Variants in GABRG2 observed in about 807,000 individuals in gnomAD.
GABRG2 encodes gamma-aminobutyric acid receptor subunit gamma-2.
GABRG2 carries 16 observed loss-of-function variants against 56.4 expected under a neutral mutation model. That is an observed-to-expected ratio of 0.28 (90% CI 0.19 to 0.43). GABRG2 has a LOEUF of 0.43. Among genes scored for constraint, GABRG2 ranks in the 20% least tolerant of loss-of-function variants. GABRG2 has a pLI of 1.00. For missense variants in GABRG2, 327 were observed against 582.7 expected, an observed-to-expected ratio of 0.56 and a Z score of 4.52; for synonymous variants, 208 against 205.5, an observed-to-expected ratio of 1.01 and a Z score of -0.10.
chr5:162,128,542 T>C (rs1763500689), intron 6 of GABRG2, among the ~76,000 whole-genome samples: 1 of 151,880 alleles, frequency 6.6e-6, no homozygotes, highest in Non-Finnish European at 1.5e-5. Flanking sequence ...ATGCTGTTGC[T>C]CCAAACTCAG....
At chr5:162,104,385 T>C (rs1178321412) in intron 6 of GABRG2, among the ~76,000 whole-genome samples, 2 of 152,160 alleles carry the variant, frequency 1.3e-5, no homozygotes, top group African/African-American at 2.4e-5. Context: ...GAGTGAATTT[T>C]TTACAAATGC....
At chr5:162,087,417 A>T (rs1401592393) in intron 1 of GABRG2, among the ~76,000 whole-genome samples, 1 of 152,070 alleles carries the variant, frequency 6.6e-6, no homozygotes, top group African/African-American at 2.4e-5. Flanking sequence ...GATCTCATTT[A>T]GGCTAGTGAT....
At chr5:162,076,839 C>CT (rs1269421695) in intron 1 of GABRG2, among the ~76,000 whole-genome samples, 1 of 152,094 alleles carries the variant, frequency 6.6e-6, no homozygotes, top group African/African-American at 2.4e-5. Flanking sequence ...CCTCATACAT[C>CT]TGATCATATA....
chr5:162,077,552 T>C (rs1348982259), intron 1 of GABRG2, among the ~76,000 whole-genome samples: 1 of 152,218 alleles, frequency 6.6e-6, no homozygotes, highest in Non-Finnish European at 1.5e-5. Flanking sequence ...AGCAAAACAC[T>C]ATTTCAATGT....
rs1758340563 is a variant in GABRG2 at position 162,067,918 on chromosome 5, A to G, written c.-82A>G. Reference sequence around the variant, plus strand: ...AGGTGGGGGGAGCCACCATCAGATCATAAGCATAAGAATAATACAAAGGGG... The same window carrying G: ...AGGTGGGGGGAGCCACCATCAGATCGTAAGCATAAGAATAATACAAAGGGG... On this transcript the variant is annotated 5_prime_UTR_variant, in exon 1 of 10. Coordinates refer to ENST00000639213, the MANE Select transcript of GABRG2 (RefSeq NM_198904.4). 2.1e-6 allele frequency: 2 copies of G among 972,836 alleles called. No individual in the cohort carries two copies. Among genetic ancestry groups the G allele is most frequent in the Non-Finnish European group, 3.3e-6 (2 of 609,796 alleles). The allele number at this position is 972,836 out of a possible 1,614,324, so 60.3% of individuals were successfully genotyped here.
intron 6 of GABRG2, among the ~76,000 whole-genome samples, chr5:162,123,363 A>C (rs1763103730): frequency 1.4e-5 from 2 of 147,534 alleles, no homozygotes; most frequent in African/African-American, 5.0e-5. Context: ...AGGCATATGA[A>C]ACCTTTATTT....
intron 7 of GABRG2, among the ~76,000 whole-genome samples, chr5:162,145,695 A>C (rs897759733): frequency 6.6e-6 from 1 of 152,186 alleles, no homozygotes; most frequent in African/African-American, 2.4e-5. Context: ...TGCATGTCAA[A>C]ATTTGTTTCT....
chr5:162,148,958 T>G lies in GABRG2; in HGVS notation c.923-150T>G, dbSNP rs1224210324. On this transcript the variant is annotated intron_variant, in intron 7 of 9. Coordinates refer to ENST00000639213, the MANE Select transcript of GABRG2 (RefSeq NM_198904.4). ...ATAGTAGACAGGCAATAAATATTTG[T>G]AAATAGAGTGAATTAAATCCACTTA... The G allele has an allele frequency of 1.9e-5, 14 of 720,218 alleles. No individual in the cohort carries two copies. The East Asian group carries it at 3.2e-4, about 17-fold the overall frequency. 44.6% of individuals were successfully genotyped at this position (720,218 alleles called of 1,614,324 possible). A position where few individuals can be genotyped will look rare whatever the true frequency, so the allele number is the denominator to read the frequency against.
chr5:162,124,281 G>C (rs1326361876), intron 6 of GABRG2, among the ~76,000 whole-genome samples: 2 of 151,816 alleles, frequency 1.3e-5, no homozygotes, highest in Admixed American at 1.3e-4. Flanking sequence ...TAAAACAATA[G>C]AAAAATACAA....
chr5:162,082,143 T>C lies in GABRG2; in HGVS notation c.108-11685T>C, dbSNP rs190101510. On this transcript the variant is annotated intron_variant, in intron 1 of 9. Coordinates refer to ENST00000639213, the MANE Select transcript of GABRG2 (RefSeq NM_198904.4). ...ATACTACTGGTGATTATGTACCCAA[T>C]GGATATTAGAAAGACTAGAGAAAGT... is the stretch of plus-strand genomic sequence containing the variant. Among the ~76,000 whole-genome samples the C allele has an allele frequency of 4.7e-4, 72 of 151,908 alleles. 1 individual carries two copies. The highest frequency in any genetic ancestry group is 3.4e-3 in the Middle Eastern group (1 of 294).
At chr5:162,108,591 C>A (rs1762003297) in intron 6 of GABRG2, among the ~76,000 whole-genome samples, 1 of 152,142 alleles carries the variant, frequency 6.6e-6, no homozygotes, top group South Asian at 2.1e-4. Flanking sequence ...AGAATGTTCA[C>A]CACGGGAGTC....
At chr5:162,128,285 C>T (rs115084013) in intron 6 of GABRG2, 2 of 151,890 alleles carry the variant, frequency 1.3e-5, no homozygotes, top group African/African-American at 4.8e-5. Flanking sequence ...AGCTCAGATT[C>T]TCATCTGGGT....
intron 6 of GABRG2, among the ~76,000 whole-genome samples, chr5:162,134,382 A>G (rs1186205174): frequency 6.6e-6 from 1 of 152,152 alleles, no homozygotes; most frequent in Admixed American, 6.5e-5. Context: ...GTGTTTAATC[A>G]TATTTCATAG....
intron 6 of GABRG2, among the ~76,000 whole-genome samples, chr5:162,139,109 A>T (rs1159935183): frequency 1.3e-5 from 2 of 152,198 alleles, no homozygotes; most frequent in African/African-American, 4.8e-5. Context: ...GTTTCAAATT[A>T]TATGTCTCCG....
At chr5:162,152,775 C>G (rs942088398) in intron 9 of GABRG2, 1 of 579,332 alleles carries the variant, frequency 1.7e-6, no homozygotes, top group African/African-American at 1.9e-5. Flanking sequence ...AATGTCACAT[C>G]TAATACTTAC....
intron 6 of GABRG2, among the ~76,000 whole-genome samples, chr5:162,118,918 C>T (rs2113469440): frequency 6.6e-6 from 1 of 152,120 alleles, no homozygotes; most frequent in South Asian, 2.1e-4. Flanking sequence ...CAGAGGAAGA[C>T]AGAGGAAGGT....
Position 162,142,255 on chromosome 5 carries a change from C to A in GABRG2, c.861C>A (p.Val287=). Residue 287 remains valine, a synonymous_variant, in exon 7 of 10, where the codon GTC becomes GTA. Coordinates refer to ENST00000639213, the MANE Select transcript of GABRG2 (RefSeq NM_198904.4). ...IQTYIPCTLI[V]VLSWVSFWIN... ...CCTATATCCCCTGCACACTCATTGTCGTCCTATCCTGGGTGTCTTTCTGGA... is the reference window on the plus strand; with the variant it reads ...CCTATATCCCCTGCACACTCATTGTAGTCCTATCCTGGGTGTCTTTCTGGA... The A allele has an allele frequency of 1.2e-6, 2 of 1,614,072 alleles. No homozygotes were observed. The highest frequency in any genetic ancestry group is 1.7e-6 in the Non-Finnish European group (2 of 1,179,954).
intron 6 of GABRG2, among the ~76,000 whole-genome samples, chr5:162,108,521 G>C (rs1761998696): frequency 6.6e-6 from 1 of 152,092 alleles, no homozygotes; most frequent in Admixed American, 6.6e-5. Flanking sequence ...TAAATCAGTG[G>C]CATCTCTTCA....
rs180861606 is a variant in GABRG2 at position 162,096,927 on chromosome 5, G to A, written c.328-711G>A. Among the ~76,000 whole-genome samples the A allele has an allele frequency of 1.9e-3, 292 of 152,142 alleles. 3 individuals are homozygous for A. Among genetic ancestry groups the A allele is most frequent in the African/African-American group, 6.7e-3 (278 of 41,502 alleles). ...GTTTAGAGAAAAGAACAAGTAAATA[G>A]TGTAAGTAAATAGTGAAAAAAACCC... On this transcript the variant is annotated intron_variant, in intron 3 of 9. Transcript: ENST00000639213.
Sources: allele counts gnomAD v4.1 joint callset (sites outside exome capture counted in the v4.1 genomes callset), GRCh38; gene constraint gnomAD v4.1.1; transcripts MANE v1.5; gene names NCBI Gene and HGNC (gene_info 2026-07-23, HGNC 2026-07-21).